The following CDC42BPA variants were observed in gnomAD, a reference collection of about 807,000 sequenced individuals.
CDC42BPA encodes the protein CDC42 binding protein kinase alpha, also known as serine/threonine-protein kinase MRCK alpha.
CDC42BPA carries 80 observed loss-of-function variants against 223.5 expected under a neutral mutation model. That is an observed-to-expected ratio of 0.36 (90% CI 0.30 to 0.43). CDC42BPA has a LOEUF of 0.43. CDC42BPA is among the 20% of genes least tolerant of loss of function. CDC42BPA has a pLI of 1.00. For missense variants in CDC42BPA, 1,743 were observed against 2,099.9 expected, an observed-to-expected ratio of 0.83 and a Z score of 3.32; for synonymous variants, 694 against 718.6, an observed-to-expected ratio of 0.97 and a Z score of 0.55.
chr1:227,302,741 C>T (rs527286176), intron 1 of CDC42BPA, among the ~76,000 whole-genome samples: 4 of 152,126 alleles, frequency 2.6e-5, no homozygotes, highest in Admixed American at 2.6e-4. Flanking sequence ...GAATTCCTAT[C>T]ATTCATCAGA....
intron 5 of CDC42BPA, among the ~76,000 whole-genome samples, chr1:227,182,021 A>G (rs939215834): frequency 4.6e-5 from 7 of 152,158 alleles, no homozygotes; most frequent in Non-Finnish European, 8.8e-5. Context: ...ATATAAGGGG[A>G]AAATGATTAC....
In CDC42BPA at chr1:227,168,497, G is replaced by GTTTTTTTTTGTTTGTTTTTTGTTTT. The variant is rs1553374262; in HGVS notation, c.600-7862_600-7861insAAAACAAAAAACAAACAAAAAAAAA. Among the ~76,000 whole-genome samples, 2 of 80,196 alleles carry GTTTTTTTTTGTTTGTTTTTTGTTTT rather than the reference G, an allele frequency of 2.5e-5. 1 individual carries two copies. Among genetic ancestry groups the GTTTTTTTTTGTTTGTTTTTTGTTTT allele is most frequent in the African/African-American group, 9.9e-5 (2 of 20,178 alleles). 52.6% of individuals were successfully genotyped at this position (80,196 alleles called of 152,430 possible). A position where few individuals can be genotyped will look rare whatever the true frequency, so the allele number is the denominator to read the frequency against. Reference sequence around the variant, plus strand: ...CTTTTTCATATTTATCTTCCCTGGTGTTTTTTTTTTTTTTTTGAGGCAGAG... The same window carrying GTTTTTTTTTGTTTGTTTTTTGTTTT: ...CTTTTTCATATTTATCTTCCCTGGTGTTTTTTTTTGTTTGTTTTTTGTTTTTTTTTTTTTTTTTTTTGAGGCAGAG... On this transcript the variant is annotated intron_variant, in intron 5 of 36. Coordinates refer to ENST00000366766, the MANE Select transcript of CDC42BPA (RefSeq NM_001394014.1).
At chr1:227,178,968 T>C (rs979103829) in intron 5 of CDC42BPA, among the ~76,000 whole-genome samples, 2 of 152,222 alleles carry the variant, frequency 1.3e-5, no homozygotes, top group African/African-American at 2.4e-5. Flanking sequence ...AAAATGTTGG[T>C]GTCTTAGTCT....
At chr1:227,275,696 C>T (rs1287325646) in intron 1 of CDC42BPA, among the ~76,000 whole-genome samples, 1 of 151,890 alleles carries the variant, frequency 6.6e-6, no homozygotes, top group African/African-American at 2.4e-5. Flanking sequence ...TCACTGCAAC[C>T]TCCCTGCCTG....
intron 1 of CDC42BPA, among the ~76,000 whole-genome samples, chr1:227,306,894 CTTGGGGCA>C (rs1692653545): frequency 6.6e-6 from 1 of 152,154 alleles, no homozygotes; most frequent in African/African-American, 2.4e-5. Flanking sequence ...TCTGAGTCAA[CTTGGGGCA>C]TTGCATTAGC....
chr1:227,020,159 G>A (rs565126237), intron 32 of CDC42BPA, among the ~76,000 whole-genome samples: 5 of 152,290 alleles, frequency 3.3e-5, no homozygotes, highest in African/African-American at 9.6e-5. Flanking sequence ...GCCTCCCAAA[G>A]TGCTGGGATT....
chr1:227,201,112 C>T (rs1182402423), intron 3 of CDC42BPA, among the ~76,000 whole-genome samples: 2 of 149,556 alleles, frequency 1.3e-5, no homozygotes, highest in Admixed American at 6.8e-5. Context: ...TCCCGAAGAA[C>T]CTTAGAAATA....
At chr1:227,101,906 A>C (rs1685113279) in intron 14 of CDC42BPA, among the ~76,000 whole-genome samples, 1 of 152,176 alleles carries the variant, frequency 6.6e-6, no homozygotes, top group Non-Finnish European at 1.5e-5. Flanking sequence ...GAAAATGTAA[A>C]GTCCAAAGAT....
intron 21 of CDC42BPA, among the ~76,000 whole-genome samples, chr1:227,056,417 TTCTC>T (rs1178792438): frequency 6.6e-6 from 1 of 151,914 alleles, no homozygotes; most frequent in Non-Finnish European, 1.5e-5. Flanking sequence ...GACAAGGTCT[TTCTC>T]TCTTGCCCTG....
At chr1:227,011,145 C>T (rs1375421436) in intron 34 of CDC42BPA, 1 of 695,698 alleles carries the variant, frequency 1.4e-6, no homozygotes. Context: ...GCACACAGAA[C>T]AAATGGAATA....
intron 6 of CDC42BPA, among the ~76,000 whole-genome samples, chr1:227,148,601 C>T (rs891483763): frequency 2.0e-5 from 3 of 151,602 alleles, no homozygotes; most frequent in African/African-American, 7.3e-5. Flanking sequence ...CCCATCTCTA[C>T]TAAAAACACA....
chr1:227,124,809 A>G (rs188235081), intron 11 of CDC42BPA, among the ~76,000 whole-genome samples: 55 of 152,324 alleles, frequency 3.6e-4, no homozygotes, highest in African/African-American at 9.6e-4. Flanking sequence ...ACCTCAACAG[A>G]CTTATACTTT....
chr1:227,151,791 TC>T (rs1344334938), intron 6 of CDC42BPA, among the ~76,000 whole-genome samples: 1 of 146,298 alleles, frequency 6.8e-6, no homozygotes, highest in Non-Finnish European at 1.5e-5. Flanking sequence ...AAGTTCCTTG[TC>T]CCAGCACTTT....
In CDC42BPA at chr1:227,034,690, C is replaced by A; in HGVS notation, c.3441G>T (p.Gln1147His). Residue 1147 changes from glutamine (Q) to histidine (H), a missense_variant, in exon 26 of 37, where the codon CAG becomes CAT. By Grantham distance (24) the Gln-to-His change is conservative (BLOSUM62 0). Transcript: ENST00000366766. The part of the protein sequence containing the change: ...LYDIAEGKAS[Q>H]PSVVISQVID... ...TCACTTGACTAATGACAACACTGGG[C>A]TGAGATGCTTTTCCTTCAGCAATAT... is the stretch of plus-strand genomic sequence containing the variant. 6.2e-7 allele frequency: 1 copy of A among 1,613,612 alleles called. No homozygotes were observed.
intron 1 of CDC42BPA, among the ~76,000 whole-genome samples, chr1:227,269,793 T>G (rs1365848886): frequency 6.6e-5 from 10 of 152,168 alleles, no homozygotes; most frequent in Admixed American, 6.6e-4. Flanking sequence ...AAGTATCAAT[T>G]ACTGACCATG....
At position 227,299,504 on chromosome 1, in the gene CDC42BPA, A is replaced by C. The variant is rs75445381; in HGVS notation, c.178+17501T>G. 3.7e-3 allele frequency among the ~76,000 whole-genome samples: 562 copies of C among 152,292 alleles called. 3 individuals carry two copies. Among genetic ancestry groups the C allele is most frequent in the African/African-American group, 0.013 (543 of 41,572 alleles). On this transcript the variant is annotated intron_variant, in intron 1 of 36. Coordinates refer to ENST00000366766, the MANE Select transcript of CDC42BPA (RefSeq NM_001394014.1). ...AAACAAAATATACTAAACTGTCATA[A>C]ATATTTCATCCTAACCCTATTTTAA...
intron 25 of CDC42BPA, 111 bp downstream of exon 25, chr1:227,035,360 T>A (rs555095939): frequency 1.3e-6 from 1 of 774,848 alleles, no homozygotes; most frequent in South Asian, 1.9e-5. Context: ...TAGATGAATT[T>A]TATTCATTTA....
chr1:227,198,909 G>A (rs1453106901), intron 4 of CDC42BPA, among the ~76,000 whole-genome samples: 3 of 151,874 alleles, frequency 2.0e-5, no homozygotes, highest in African/African-American at 7.3e-5. Context: ...CACCACGCCC[G>A]GCTAATTTTT....
intron 1 of CDC42BPA, among the ~76,000 whole-genome samples, chr1:227,306,508 G>C (rs1436594001): frequency 1.3e-5 from 2 of 152,178 alleles, no homozygotes; most frequent in Non-Finnish European, 2.9e-5. Flanking sequence ...AACTTAGCAT[G>C]TATTAGTCAG....
Sources: allele counts gnomAD v4.1 joint callset (sites outside exome capture counted in the v4.1 genomes callset), GRCh38; gene constraint gnomAD v4.1.1; transcripts MANE v1.5; gene names NCBI Gene and HGNC (gene_info 2026-07-23, HGNC 2026-07-21).